ACOT7: variants seen among roughly 807,000 people sequenced by gnomAD.
ACOT7 encodes cytosolic acyl coenzyme A thioester hydrolase.
In ACOT7, 12 loss-of-function variants were observed where a neutral mutation model predicts 40.2. The observed-to-expected ratio is 0.30, with a 90% CI of 0.19 to 0.48. ACOT7 has a LOEUF of 0.48. Ranked by LOEUF, ACOT7 falls within the 20% of genes least tolerant of loss-of-function variation. ACOT7 has a pLI of 0.99. For missense variants in ACOT7, 395 were observed against 530.8 expected, an observed-to-expected ratio of 0.74 and a Z score of 2.51; for synonymous variants, 228 against 219.5, an observed-to-expected ratio of 1.04 and a Z score of -0.34.
intron 6 of ACOT7, among the ~76,000 whole-genome samples, chr1:6,314,208 T>C (rs944761774): frequency 2.0e-5 from 3 of 152,048 alleles, no homozygotes; most frequent in African/African-American, 7.2e-5. Context: ...GTACCCCACC[T>C]GATGAACAGT....
At chr1:6,339,739 GTTT>G (rs57275707) in intron 2 of ACOT7, 150 bp from the exon 3 acceptor site, 1,013 of 523,882 alleles carry the variant, frequency 1.9e-3, no homozygotes, top group Middle Eastern at 3.5e-3. Context: ...TGGCACCGCG[GTTT>G]TTTTTTTTTT....
intron 6 of ACOT7, among the ~76,000 whole-genome samples, chr1:6,296,462 C>T (rs1467790591): frequency 3.3e-5 from 5 of 149,868 alleles, no homozygotes; most frequent in Admixed American, 2.0e-4. Flanking sequence ...CTCGCACTGT[C>T]GCCCAGGCTG....
At chr1:6,383,033 C>T (rs1369051096) in intron 1 of ACOT7, among the ~76,000 whole-genome samples, 1 of 147,678 alleles carries the variant, frequency 6.8e-6, no homozygotes, top group African/African-American at 2.6e-5. Flanking sequence ...CGTGGGCTAC[C>T]ACGCCCAGCT....
intron 6 of ACOT7, chr1:6,295,638 A>C (rs1413258952): frequency 6.6e-6 from 1 of 152,236 alleles, no homozygotes; most frequent in Non-Finnish European, 1.5e-5. Context: ...ATGAAGCTTG[A>C]AAACGCTATG....
chr1:6,350,517 T>C (rs1456416128), intron 1 of ACOT7, among the ~76,000 whole-genome samples: 6 of 152,222 alleles, frequency 3.9e-5, no homozygotes, highest in African/African-American at 1.4e-4. Flanking sequence ...ACTTCATCCT[T>C]GCCGTGAGCA....
In ACOT7 at chr1:6,315,230, C is replaced by T. The variant is rs144059139; in HGVS notation, c.712+3262G>A. On this transcript the variant is annotated intron_variant, in intron 6 of 8. Transcript: ENST00000361521. ...AAAACGGGACTCGGGCGCAGCTTTG[C>T]GCAGTCTAGAATTACAGAATAAAGG... 1.6e-4 allele frequency among the ~76,000 whole-genome samples: 25 copies of T among 152,338 alleles called. No homozygotes were observed. In the East Asian group the frequency reaches 2.5e-3, roughly 15 times the overall value.
chr1:6,310,630 A>G (rs1037921930), intron 6 of ACOT7, among the ~76,000 whole-genome samples: 13 of 152,226 alleles, frequency 8.5e-5, no homozygotes, highest in Admixed American at 5.2e-4. Flanking sequence ...AGAGCCACCC[A>G]GGGCACTTGT....
chr1:6,321,112 T>A (rs1238079667), intron 5 of ACOT7, among the ~76,000 whole-genome samples: 1 of 152,168 alleles, frequency 6.6e-6, no homozygotes, highest in East Asian at 1.9e-4. Context: ...ATTCCACTCT[T>A]GGGGAGGAAC....
intron 6 of ACOT7, among the ~76,000 whole-genome samples, chr1:6,298,687 T>C (rs2148399580): frequency 6.6e-6 from 1 of 152,216 alleles, no homozygotes. Flanking sequence ...TGGTTTTATG[T>C]TGTTATTGGA....
chr1:6,379,713 C>T (rs1557674398), intron 1 of ACOT7, among the ~76,000 whole-genome samples: 1 of 151,774 alleles, frequency 6.6e-6, no homozygotes, highest in South Asian at 2.1e-4. Flanking sequence ...CTTCCCACTT[C>T]GACCTCCCAA....
At chr1:6,386,844 A>G (rs1233196618) in intron 1 of ACOT7, among the ~76,000 whole-genome samples, 1 of 152,238 alleles carries the variant, frequency 6.6e-6, no homozygotes, top group Non-Finnish European at 1.5e-5. Context: ...TGCCTGGCCA[A>G]CTAAGCGAGA....
intron 8 of ACOT7, 23 bp downstream of exon 8, chr1:6,281,078 GC>G: frequency 1.2e-6 from 2 of 1,607,538 alleles, no homozygotes; most frequent in Non-Finnish European, 1.7e-6. Context: ...GGGAGGGGCC[GC>G]CGTTCCAAGG....
intron 2 of ACOT7, among the ~76,000 whole-genome samples, chr1:6,349,066 T>G (rs1641515135): frequency 6.6e-6 from 1 of 152,200 alleles, no homozygotes; most frequent in Non-Finnish European, 1.5e-5. Context: ...ACCCAAGGGC[T>G]GGCTTCCCCC....
At chr1:6,269,464 C>T (rs1207553525) in intron 8 of ACOT7, among the ~76,000 whole-genome samples, 4 of 152,356 alleles carry the variant, frequency 2.6e-5, no homozygotes, top group South Asian at 4.1e-4. Context: ...CCCACCCCAG[C>T]GGCCACCAGG....
At chr1:6,382,383 G>A (rs373070517) in intron 1 of ACOT7, among the ~76,000 whole-genome samples, 2 of 151,860 alleles carry the variant, frequency 1.3e-5, no homozygotes, top group African/African-American at 2.4e-5. Context: ...CAGCCTGGGC[G>A]ACAGAGCGAG....
chr1:6,312,711 G>T (rs192149175), intron 6 of ACOT7, among the ~76,000 whole-genome samples: 16 of 152,258 alleles, frequency 1.1e-4, no homozygotes, highest in African/African-American at 3.9e-4. Context: ...CAAGTGATCT[G>T]CCCACCTTGG....
intron 6 of ACOT7, among the ~76,000 whole-genome samples, chr1:6,305,081 C>A (rs572398891): frequency 2.1e-5 from 3 of 144,178 alleles, no homozygotes; most frequent in South Asian, 4.4e-4. Flanking sequence ...GGCTGACCCC[C>A]CCACATCCCT....
intron 2 of ACOT7, among the ~76,000 whole-genome samples, chr1:6,342,513 G>A (rs1641304531): frequency 6.6e-6 from 1 of 152,190 alleles, no homozygotes; most frequent in Non-Finnish European, 1.5e-5. Context: ...GGAATGCAAT[G>A]GCTATTCACA....
At chr1:6,285,015 C>T (rs1024816759) in intron 7 of ACOT7, among the ~76,000 whole-genome samples, 3 of 152,260 alleles carry the variant, frequency 2.0e-5, no homozygotes, top group African/African-American at 2.4e-5. Flanking sequence ...GCAGAGCCAA[C>T]GACCCCATTT....
Sources: gnomAD v4.1 joint callset for allele counts (sites outside exome capture counted in the v4.1 genomes callset) on GRCh38, gnomAD v4.1.1 for gene constraint, MANE v1.5 for transcripts, NCBI Gene and HGNC (gene_info 2026-07-23, HGNC 2026-07-21) for gene names.